NME7: variants seen among roughly 807,000 people sequenced by gnomAD.
NME7 encodes the protein NME/NM23 family member 7, also known as nucleoside diphosphate kinase 7.
NME7 carries 41 observed loss-of-function variants against 49.1 expected under a neutral mutation model. The observed-to-expected ratio is 0.83, with a 90% confidence interval of 0.65 to 1.08. NME7 has a LOEUF of 1.08. NME7 is among the 50% of genes least tolerant of loss of function. The pLI, the probability that NME7 is intolerant of heterozygous loss-of-function variation, is 0.00. For synonymous variants in NME7, 139 were observed against 150.6 expected (o/e 0.92, Z 0.56); for missense variants, 423 against 463.4 (o/e 0.91, Z 0.80).
rs141907313 is a variant in NME7 at position 169,139,176 on chromosome 1, A to G, written c.1099-6359T>C. Among the ~76,000 whole-genome samples the G allele has an allele frequency of 4.8e-3, 735 of 152,266 alleles. 7 individuals are homozygous for G. The highest frequency in any genetic ancestry group is 0.017 in the African/African-American group (692 of 41,570). On this transcript the variant is annotated intron_variant, in intron 11 of 11. Transcript: ENST00000367811. ...TCATAACAGTATCTTCTTAGTCATAACAGTATCTTCTTCAGATATGCTTAT... is the reference window on the plus strand; with the variant it reads ...TCATAACAGTATCTTCTTAGTCATAGCAGTATCTTCTTCAGATATGCTTAT...
intron 11 of NME7, among the ~76,000 whole-genome samples, chr1:169,168,408 T>C (rs1391282856): frequency 6.7e-6 from 1 of 148,426 alleles, no homozygotes; most frequent in African/African-American, 2.5e-5. Flanking sequence ...ACTATCACAC[T>C]GTATATTAGA....
intron 10 of NME7, among the ~76,000 whole-genome samples, chr1:169,205,582 T>C (rs1253346512): frequency 6.6e-6 from 1 of 152,146 alleles, no homozygotes; most frequent in African/African-American, 2.4e-5. Context: ...AGAAACAGAT[T>C]ATATTTTACA....
intron 10 of NME7, among the ~76,000 whole-genome samples, chr1:169,220,486 CAACTAAT>C (rs1269247539): frequency 6.6e-6 from 1 of 152,018 alleles, no homozygotes; most frequent in Non-Finnish European, 1.5e-5. Context: ...GTTGGTCATC[CAACTAAT>C]ATACGACATT....
At chr1:169,283,761 T>G (rs1057479585) in intron 7 of NME7, 3 of 152,228 alleles carry the variant, frequency 2.0e-5, no homozygotes, top group African/African-American at 7.2e-5. Flanking sequence ...TTTAAGAATG[T>G]TGAATATTGG....
chr1:169,181,134 TTATCTATC>T lies in NME7; in HGVS notation c.991-11588_991-11581del, dbSNP rs60560425. Reference sequence around the variant, plus strand: ...CATCCTAGGCTATAATCCTATCTATTTATCTATCTATCTATCTATCTATCTATCTATCT... The same window carrying T: ...CATCCTAGGCTATAATCCTATCTATTTATCTATCTATCTATCTATCTATCT... On this transcript the variant is annotated intron_variant, in intron 10 of 11. Coordinates refer to ENST00000367811, the MANE Select transcript of NME7 (RefSeq NM_013330.5). Among the ~76,000 whole-genome samples, 1,010 of 124,082 alleles carry T rather than the reference TTATCTATC, an allele frequency of 8.1e-3. 11 individuals are homozygous for T. The highest frequency in any genetic ancestry group is 0.024 in the African/African-American group (919 of 37,892). The allele number at this position is 124,082 out of a possible 152,430, so 81.4% of individuals were successfully genotyped here.
In NME7 at chr1:169,258,856, G is replaced by A. The variant is rs541064540; in HGVS notation, c.755-21169C>T. Among the ~76,000 whole-genome samples, 3 of 132,972 alleles carry A rather than the reference G, an allele frequency of 2.3e-5. 1 individual carries two copies. The South Asian group carries it at 7.0e-4, about 31-fold the overall frequency. 87.2% of individuals were successfully genotyped at this position (132,972 alleles called of 152,430 possible). ...CAAAAATATCTTTAGCATGACCTGG[G>A]AACTTATTACAAATGCAGATTCTTG... On this transcript the variant is annotated intron_variant, in intron 7 of 11. Coordinates refer to ENST00000367811, the MANE Select transcript of NME7 (RefSeq NM_013330.5).
chr1:169,269,812 C>T (rs1336965886), intron 7 of NME7, among the ~76,000 whole-genome samples: 3 of 134,560 alleles, frequency 2.2e-5, no homozygotes, highest in Non-Finnish European at 5.2e-5. Context: ...AAATTAAATG[C>T]AGACAACCAC....
intron 10 of NME7, among the ~76,000 whole-genome samples, chr1:169,178,408 T>G (rs1315752719): frequency 1.3e-5 from 2 of 152,048 alleles, no homozygotes; most frequent in African/African-American, 4.8e-5. Context: ...GAGACACAAG[T>G]GTTTGAGTTG....
chr1:169,170,880 C>T (rs1659567240), intron 10 of NME7, among the ~76,000 whole-genome samples: 2 of 152,044 alleles, frequency 1.3e-5, no homozygotes, highest in African/African-American at 4.8e-5. Flanking sequence ...TGAGCCGAGA[C>T]TGTGCATTGC....
chr1:169,337,987 G>A (rs901116838), intron 1 of NME7, among the ~76,000 whole-genome samples: 3 of 152,114 alleles, frequency 2.0e-5, no homozygotes, highest in South Asian at 4.1e-4. Flanking sequence ...ATCTTGTAAA[G>A]ACAGACAGAA....
At chr1:169,134,578 T>C (rs1658367130) in intron 11 of NME7, among the ~76,000 whole-genome samples, 1 of 152,102 alleles carries the variant, frequency 6.6e-6, no homozygotes, top group African/African-American at 2.4e-5. Context: ...AAATACCGAG[T>C]TAGTATGTCC....
At chr1:169,254,329 C>A (rs1470715356) in intron 7 of NME7, among the ~76,000 whole-genome samples, 21 of 152,008 alleles carry the variant, frequency 1.4e-4, no homozygotes, top group African/African-American at 3.6e-4. Flanking sequence ...CATTTCTTCT[C>A]GATTTTCTAG....
At chr1:169,282,261 G>T (rs138186756) in intron 7 of NME7, among the ~76,000 whole-genome samples, 1 of 152,048 alleles carries the variant, frequency 6.6e-6, no homozygotes, top group Non-Finnish European at 1.5e-5. Context: ...ATTCTCTGAC[G>T]GTAGTTTGTG....
chr1:169,302,745 G>A (rs139253403), intron 5 of NME7, among the ~76,000 whole-genome samples: 1 of 151,852 alleles, frequency 6.6e-6, no homozygotes, highest in Admixed American at 6.6e-5. Flanking sequence ...ACCTGCACAT[G>A]TACCCCCTGA....
At chr1:169,247,043 G>C (rs776822125) in intron 7 of NME7, 17 of 456,176 alleles carry the variant, frequency 3.7e-5, no homozygotes, top group Middle Eastern at 3.2e-4. Context: ...GGAAAGAGTA[G>C]TCAGGGGTTC....
chr1:169,149,701 T>A (rs891366880), intron 11 of NME7, among the ~76,000 whole-genome samples: 4 of 152,214 alleles, frequency 2.6e-5, no homozygotes, highest in Non-Finnish European at 5.9e-5. Flanking sequence ...ACTGTATTCA[T>A]CCTTCTTGTG....
At chr1:169,195,515 A>C (rs1392793679) in intron 10 of NME7, among the ~76,000 whole-genome samples, 2 of 152,170 alleles carry the variant, frequency 1.3e-5, no homozygotes, top group Non-Finnish European at 2.9e-5. Flanking sequence ...GTCTGGTCAA[A>C]AGATACTTTT....
At chr1:169,253,632 T>A (rs1003928170) in intron 7 of NME7, among the ~76,000 whole-genome samples, 1 of 152,194 alleles carries the variant, frequency 6.6e-6, no homozygotes, top group Non-Finnish European at 1.5e-5. Context: ...GGCATCCCTG[T>A]CTTGTGCCAG....
chr1:169,292,165 C>T (rs75713186), intron 6 of NME7, among the ~76,000 whole-genome samples: 2,197 of 152,126 alleles, frequency 0.014, 48 homozygotes, highest in African/African-American at 0.048. Context: ...ATACCTTGCA[C>T]CTTACATAAA....
Sources: allele counts gnomAD v4.1 joint callset (sites outside exome capture counted in the v4.1 genomes callset), GRCh38; gene constraint gnomAD v4.1.1; transcripts MANE v1.5; gene names NCBI Gene and HGNC (gene_info 2026-07-23, HGNC 2026-07-21).